The following GPC6 variants were observed in gnomAD, a reference collection of about 807,000 sequenced individuals.
GPC6 encodes glypican 6, also known as glypican-6.
In GPC6, 14 loss-of-function variants were observed where a neutral mutation model predicts 55.2. The ratio of observed to expected loss-of-function variants is 0.25; its 90% CI spans 0.17 to 0.40. GPC6 has a LOEUF of 0.40. GPC6 is among the 10% of genes least tolerant of loss of function. The pLI, the probability that GPC6 is intolerant of heterozygous loss-of-function variation, is 1.00. For synonymous variants in GPC6, 278 were observed against 259.6 expected (o/e 1.07, Z -0.68); for missense variants, 641 against 708.5 (o/e 0.90, Z 1.08).
intron 4 of GPC6, among the ~76,000 whole-genome samples, chr13:94,200,202 C>T (rs1889708099): frequency 1.3e-5 from 2 of 149,188 alleles, no homozygotes; most frequent in South Asian, 4.3e-4. Flanking sequence ...TTACTTTGAA[C>T]ATTCTTCAGG....
chr13:93,973,158 C>T (rs1880363362), intron 3 of GPC6, among the ~76,000 whole-genome samples: 1 of 152,126 alleles, frequency 6.6e-6, no homozygotes, highest in Admixed American at 6.5e-5. Context: ...GATGGTATAG[C>T]CTACTACACA....
chr13:93,269,891 CA>C (rs529558741), intron 1 of GPC6, among the ~76,000 whole-genome samples: 13,149 of 52,582 alleles, frequency 0.25, 298 homozygotes, highest in South Asian at 0.33. Flanking sequence ...GACTCCATCT[CA>C]AAAAAAAAAA....
chr13:94,214,776 C>G (rs1890179017), intron 4 of GPC6, among the ~76,000 whole-genome samples: 1 of 152,152 alleles, frequency 6.6e-6, no homozygotes, highest in Non-Finnish European at 1.5e-5. Context: ...GAATTCAATT[C>G]AATAGGACTA....
intron 3 of GPC6, among the ~76,000 whole-genome samples, chr13:94,019,718 C>T (rs1882624612): frequency 6.6e-6 from 1 of 152,134 alleles, no homozygotes; most frequent in South Asian, 2.1e-4. Flanking sequence ...TTTATATTGG[C>T]AAATACCCTA....
intron 1 of GPC6, among the ~76,000 whole-genome samples, chr13:93,335,249 C>T (rs558852770): frequency 6.6e-6 from 1 of 152,300 alleles, no homozygotes; most frequent in East Asian, 1.9e-4. Context: ...TAACAAATAG[C>T]TAACACAATA....
chr13:93,510,054 C>G (rs1880889467), intron 1 of GPC6, among the ~76,000 whole-genome samples: 1 of 152,036 alleles, frequency 6.6e-6, no homozygotes, highest in Non-Finnish European at 1.5e-5. Context: ...TTTTTCTCTT[C>G]AGCACTCCTG....
At chr13:94,402,865 AACC>A in intron 8 of GPC6, 147 bp from the exon 9 acceptor site, 2 of 755,286 alleles carry the variant, frequency 2.6e-6, no homozygotes, top group South Asian at 2.9e-5. Flanking sequence ...GGATGGGGGA[AACC>A]ACCACCATGA....
At chr13:93,835,967 A>G (rs1275224028) in intron 3 of GPC6, 2 of 152,076 alleles carry the variant, frequency 1.3e-5, no homozygotes, top group African/African-American at 4.8e-5. Flanking sequence ...TCTATCAAAA[A>G]TCTTTCTTCC....
intron 1 of GPC6, among the ~76,000 whole-genome samples, chr13:93,530,517 A>T (rs926401637): frequency 6.6e-6 from 1 of 151,928 alleles, no homozygotes; most frequent in African/African-American, 2.4e-5. Flanking sequence ...TAGATTTGGG[A>T]CTCAATTAAG....
At chr13:94,108,029 A>T (rs1886118374) in intron 4 of GPC6, among the ~76,000 whole-genome samples, 1 of 152,062 alleles carries the variant, frequency 6.6e-6, no homozygotes, top group Non-Finnish European at 1.5e-5. Context: ...CAGCAATCTC[A>T]CTTCTGGGTA....
At chr13:93,311,437 C>T (rs1879064861) in intron 1 of GPC6, among the ~76,000 whole-genome samples, 1 of 152,112 alleles carries the variant, frequency 6.6e-6, no homozygotes, top group South Asian at 2.1e-4. Context: ...GGAGGGGAGA[C>T]TCTTCTCTTT....
At chr13:94,102,175 CTTT>C (rs904168059) in intron 4 of GPC6, among the ~76,000 whole-genome samples, 1 of 151,996 alleles carries the variant, frequency 6.6e-6, no homozygotes, top group African/African-American at 2.4e-5. Flanking sequence ...TGCTTCTTAT[CTTT>C]TTCTTTTCTG....
chr13:93,364,163 G>T (rs555727626), intron 1 of GPC6, among the ~76,000 whole-genome samples: 4 of 151,892 alleles, frequency 2.6e-5, no homozygotes, highest in Admixed American at 6.6e-5. Context: ...GTCAATTTTG[G>T]CTTTTGTTGC....
chr13:93,862,138 G>C (rs1888832710), intron 3 of GPC6, among the ~76,000 whole-genome samples: 1 of 151,650 alleles, frequency 6.6e-6, no homozygotes, highest in Non-Finnish European at 1.5e-5. Context: ...TAAAAGCAAT[G>C]TGCTCTAGTG....
intron 6 of GPC6, among the ~76,000 whole-genome samples, chr13:94,372,452 T>C (rs534415974): frequency 6.6e-6 from 1 of 150,420 alleles, no homozygotes; most frequent in Non-Finnish European, 1.5e-5. Flanking sequence ...AAGGGGTGAC[T>C]GACGGCACCT....
At chr13:93,583,281 C>T (rs144427718) in intron 2 of GPC6, among the ~76,000 whole-genome samples, 1 of 152,180 alleles carries the variant, frequency 6.6e-6, no homozygotes, top group Admixed American at 6.5e-5. Flanking sequence ...TAAGAGTCAA[C>T]CTTCTGTATC....
intron 1 of GPC6, among the ~76,000 whole-genome samples, chr13:93,406,765 T>G (rs1209277078): frequency 6.6e-6 from 1 of 152,128 alleles, no homozygotes; most frequent in Non-Finnish European, 1.5e-5. Context: ...AGTATGCAAC[T>G]CCCATGTACC....
intron 2 of GPC6, among the ~76,000 whole-genome samples, chr13:93,691,744 A>AT (rs1882263794): frequency 6.6e-6 from 1 of 152,082 alleles, no homozygotes; most frequent in African/African-American, 2.4e-5. Context: ...GGAAGTTGAC[A>AT]TTGACTATGT....
chr13:93,850,279 C>T (rs1418373869), intron 3 of GPC6, among the ~76,000 whole-genome samples: 1 of 151,918 alleles, frequency 6.6e-6, no homozygotes, highest in African/African-American at 2.4e-5. Flanking sequence ...TGGTAAATAA[C>T]ACCTAGCCCA....
Sources: gnomAD v4.1 joint callset for allele counts (sites outside exome capture counted in the v4.1 genomes callset) on GRCh38, gnomAD v4.1.1 for gene constraint, MANE v1.5 for transcripts, NCBI Gene and HGNC (gene_info 2026-07-23, HGNC 2026-07-21) for gene names.